The following ZC3H12B variants were observed in gnomAD, a reference collection of about 807,000 sequenced individuals.
ZC3H12B encodes the protein probable ribonuclease ZC3H12B.
In ZC3H12B, 7 loss-of-function variants were observed where a neutral mutation model predicts 43.9. The observed-to-expected ratio is 0.16, with a 90% CI of 0.09 to 0.30. ZC3H12B has a LOEUF of 0.30. Among genes scored for constraint, ZC3H12B ranks in the 10% least tolerant of loss-of-function variants. The pLI is 1.00. For synonymous variants in ZC3H12B, 222 were observed against 241.7 expected (o/e 0.92, Z 0.76); for missense variants, 475 against 670.2 (o/e 0.71, Z 3.22).
At chrX:65,357,514 C>A in the ZC3H12B span, 1 of 116,257 alleles carries the variant, frequency 8.6e-6, no homozygotes, top group Non-Finnish European at 1.8e-5. Context: ...AGGGCCTGGA[C>A]AGGGACAACA....
chrX:65,243,373 A>G, the ZC3H12B span, among the ~76,000 whole-genome samples: 1 of 112,279 alleles, frequency 8.9e-6, no homozygotes, highest in African/African-American at 3.2e-5. Flanking sequence ...AATGTTCAAC[A>G]TCACTATTTA....
chrX:65,147,878 C>T, the ZC3H12B span, among the ~76,000 whole-genome samples: 1 of 110,541 alleles, frequency 9.0e-6, no homozygotes, highest in African/African-American at 3.3e-5. Flanking sequence ...GAGCATGGGG[C>T]TATGGGGACT....
the ZC3H12B span, among the ~76,000 whole-genome samples, chrX:65,315,432 A>C: frequency 9.0e-6 from 1 of 111,635 alleles, no homozygotes; most frequent in South Asian, 3.7e-4. Context: ...GAGAAGCAAA[A>C]GAAGGATACT....
the ZC3H12B span, among the ~76,000 whole-genome samples, chrX:65,256,212 A>G: frequency 2.7e-5 from 3 of 112,109 alleles, no homozygotes; most frequent in African/African-American, 6.5e-5. Context: ...AGAGCTCTCC[A>G]TCCTAAAACA....
intron 2 of ZC3H12B, among the ~76,000 whole-genome samples, chrX:65,387,926 C>T (rs1569388880): frequency 8.9e-6 from 1 of 112,083 alleles, no homozygotes; most frequent in Non-Finnish European, 1.9e-5. Flanking sequence ...ATATGAAATT[C>T]TGGGTTGAAA....
intron 3 of ZC3H12B, among the ~76,000 whole-genome samples, chrX:65,453,687 ACTCGAGC>A (rs2067558062): frequency 9.2e-6 from 1 of 108,382 alleles, no homozygotes; most frequent in African/African-American, 3.4e-5. Flanking sequence ...ATGCCACCGC[ACTCGAGC>A]CTCGAGCCTA....
the ZC3H12B span, among the ~76,000 whole-genome samples, chrX:65,209,644 A>G: frequency 9.1e-6 from 1 of 110,054 alleles, no homozygotes; most frequent in African/African-American, 3.3e-5. Flanking sequence ...GCTGAAAAAA[A>G]TGTATATTCT....
chrX:65,407,955 G>C, intron 3 of ZC3H12B: 3 of 815,726 alleles, frequency 3.7e-6, no homozygotes, highest in Non-Finnish European at 5.1e-6. Context: ...GCGCGCCTGC[G>C]TGCGTGGCCA....
chrX:65,153,623 C>T, the ZC3H12B span, among the ~76,000 whole-genome samples: 2 of 112,059 alleles, frequency 1.8e-5, no homozygotes, highest in Non-Finnish European at 3.8e-5. Context: ...CACTTTTACA[C>T]TGTTGGTGGG....
the ZC3H12B span, among the ~76,000 whole-genome samples, chrX:65,203,087 A>G: frequency 8.9e-6 from 1 of 112,045 alleles, no homozygotes; most frequent in African/African-American, 3.2e-5. Context: ...AGTGCTCTTC[A>G]GTCAGCTTTT....
the ZC3H12B span, among the ~76,000 whole-genome samples, chrX:65,200,170 T>C: frequency 1.8e-5 from 2 of 111,267 alleles, no homozygotes; most frequent in Non-Finnish European, 3.8e-5. Flanking sequence ...TGGTATCTCA[T>C]TGTGGTTTTG....
the ZC3H12B span, among the ~76,000 whole-genome samples, chrX:65,213,136 A>G: frequency 3.7e-5 from 4 of 108,899 alleles, no homozygotes; most frequent in Non-Finnish European, 1.9e-5. Flanking sequence ...TTCTGTGCAT[A>G]TATTATAAAA....
chrX:65,198,538 G>A, the ZC3H12B span, among the ~76,000 whole-genome samples: 3 of 111,294 alleles, frequency 2.7e-5, no homozygotes, highest in Non-Finnish European at 5.7e-5. Flanking sequence ...AGTTTTTTTC[G>A]ACAGATTTTT....
At chrX:65,225,498 A>G in the ZC3H12B span, among the ~76,000 whole-genome samples, 2 of 112,716 alleles carry the variant, frequency 1.8e-5, no homozygotes, top group African/African-American at 6.4e-5. Context: ...GCAGTTCCTC[A>G]CCAGCAATGG....
chrX:65,096,138 C>A, the ZC3H12B span, among the ~76,000 whole-genome samples: 1 of 103,936 alleles, frequency 9.6e-6, no homozygotes, highest in Non-Finnish European at 1.9e-5. Flanking sequence ...TAAACATACA[C>A]GTGCATGTAT....
intron 1 of ZC3H12B, 61 bp from the exon 7 acceptor site, chrX:65,497,071 T>G (rs753289823): frequency 9.5e-7 from 1 of 1,055,728 alleles, no homozygotes; most frequent in Admixed American, 2.8e-5. Flanking sequence ...AAAGCCTGCT[T>G]CAGATATTTC....
chrX:65,059,016 G>A, the ZC3H12B span, among the ~76,000 whole-genome samples: 1 of 112,156 alleles, frequency 8.9e-6, no homozygotes, highest in South Asian at 3.7e-4. Flanking sequence ...CTGACCCCTT[G>A]CATTTCCCGG....
chrX:65,318,383 C>CCTT, the ZC3H12B span, among the ~76,000 whole-genome samples: 1 of 104,382 alleles, frequency 9.6e-6, no homozygotes, highest in Non-Finnish European at 2.0e-5. Context: ...CCTTCTTTTT[C>CCTT]CTTCTTCTTC....
At chrX:65,266,934 G>C in the ZC3H12B span, among the ~76,000 whole-genome samples, 2 of 110,745 alleles carry the variant, frequency 1.8e-5, no homozygotes, top group Non-Finnish European at 3.8e-5. Context: ...GGAAGGAAGA[G>C]TCTGTGAGAG....
Sources: gnomAD v4.1 joint callset for allele counts (sites outside exome capture counted in the v4.1 genomes callset) on GRCh38, gnomAD v4.1.1 for gene constraint, MANE v1.5 for transcripts, NCBI Gene and HGNC (gene_info 2026-07-23, HGNC 2026-07-21) for gene names.